The following RBM6 variants were observed in gnomAD, a reference collection of about 807,000 sequenced individuals.
RBM6 encodes RNA-binding protein 6.
In RBM6, 23 loss-of-function variants were observed where a neutral mutation model predicts 140.4. The observed-to-expected ratio is 0.16, with a 90% CI of 0.12 to 0.23. The LOEUF (loss-of-function observed/expected upper bound fraction) is 0.23, where lower values mean the gene tolerates loss of function less well. Ranked by LOEUF, RBM6 falls within the 10% of genes least tolerant of loss-of-function variation. The pLI, the probability that RBM6 is intolerant of heterozygous loss-of-function variation, is 1.00. For missense variants in RBM6, 1,139 were observed against 1,386.7 expected (o/e 0.82, Z 2.84); for synonymous variants, 439 against 475.6 (o/e 0.92, Z 1.00).
intron 5 of RBM6, among the ~76,000 whole-genome samples, chr3:49,999,239 A>C (rs1445407402): frequency 1.3e-5 from 2 of 152,098 alleles, no homozygotes; most frequent in Non-Finnish European, 2.9e-5. Flanking sequence ...TTTTGGAATG[A>C]ATCTCAAAGT....
Position 50,006,524 on chromosome 3 carries a change from C to T in RBM6, c.1557+7011C>T, listed in dbSNP as rs902381700. Among the ~76,000 whole-genome samples, 41 of 152,220 alleles carry T rather than the reference C, an allele frequency of 2.7e-4. 1 individual carries two copies. The highest frequency in any genetic ancestry group is 6.8e-3 in the Middle Eastern group (2 of 292). On this transcript the variant is annotated intron_variant, in intron 6 of 20. Coordinates refer to ENST00000266022, the MANE Select transcript of RBM6 (RefSeq NM_005777.3). ...AAGCAGACTACCGGGGGTTGCATTT[C>T]GGCTCCATCACTTTCTAAGGTGTAC...
rs2084591506 is a variant in RBM6, at chr3:49,968,127, C to G, written c.702C>G (p.Asp234Glu). Residue 234 changes from aspartate to glutamate, a missense_variant, in exon 3 of 21, where the codon GAC becomes GAG. Asp to Glu is a conservative substitution (Grantham distance 45, BLOSUM62 2). Around this residue, in one of 9 missense-constraint regions of RBM6, gnomAD observed 566 missense variants for 612.7 expected, o/e 0.92. Transcript: ENST00000266022. ...DFRDKDGTQVDFRGRGSGTTD... is the reference protein window; with the variant it reads ...DFRDKDGTQVEFRGRGSGTTD... ...GAGACAAAGACGGAACACAAGTAGA[C>G]TTTAGAGGCCGAGGTTCAGGTACTA... 8.7e-6 allele frequency: 14 copies of G among 1,614,114 alleles called. No individual in the cohort carries two copies. The highest frequency in any genetic ancestry group is 1.1e-5 in the Non-Finnish European group (13 of 1,180,030).
intron 6 of RBM6, among the ~76,000 whole-genome samples, chr3:50,026,095 C>CT (rs1211734030): frequency 2.7e-5 from 4 of 146,210 alleles, no homozygotes; most frequent in South Asian, 2.2e-4. Context: ...TTTTTTTTTT[C>CT]TTTTTTTTTG....
At chr3:50,054,508 C>A in intron 8 of RBM6, 113 bp downstream of exon 8, 1 of 722,196 alleles carries the variant, frequency 1.4e-6, no homozygotes, top group Non-Finnish European at 2.3e-6. Context: ...ATCTACAAAC[C>A]TTTTTTTTTT....
rs34463596 is a variant in RBM6 at position 49,944,474 on chromosome 3, C to CTTT, written c.-67+4265_-67+4267dup. Among the ~76,000 whole-genome samples the CTTT allele has an allele frequency of 7.0e-4, 93 of 132,286 alleles. 2 individuals are homozygous for CTTT. The highest frequency in any genetic ancestry group is 2.5e-3 in the African/African-American group (87 of 35,262). The allele number at this position is 132,286 out of a possible 152,430, so 86.8% of individuals were successfully genotyped here. A position where few individuals can be genotyped will look rare whatever the true frequency, so the allele number is the denominator to read the frequency against. ...GCTATGAATATCAGTGTACAAATAT[C>CTTT]TTTTTTTTTTTTTTTTTTGTGAGAC... On this transcript the variant is annotated intron_variant, in intron 1 of 20. Coordinates refer to ENST00000266022, the MANE Select transcript of RBM6 (RefSeq NM_005777.3).
chr3:50,024,502 G>A (rs1477453196), intron 6 of RBM6, among the ~76,000 whole-genome samples: 1 of 152,054 alleles, frequency 6.6e-6, no homozygotes, highest in Non-Finnish European at 1.5e-5. Flanking sequence ...TGAGCCTTAT[G>A]TAATTAGAAT....
chr3:50,065,267 T>C (rs1370970593), intron 16 of RBM6, 141 bp downstream of exon 16: 2 of 658,522 alleles, frequency 3.0e-6, no homozygotes, highest in African/African-American at 3.6e-5. Context: ...TTCCCATTTC[T>C]TTTGAGTACA....
chr3:50,061,414 G>T, intron 13 of RBM6, 48 bp from the exon 14 acceptor site: 1 of 1,585,546 alleles, frequency 6.3e-7, no homozygotes, highest in Non-Finnish European at 8.5e-7. Context: ...TCCAGTAAGG[G>T]CTTCATTGGA....
chr3:50,038,056 A>C (rs946716363), intron 6 of RBM6, among the ~76,000 whole-genome samples: 8 of 152,046 alleles, frequency 5.3e-5, no homozygotes. Context: ...TCCTGACCTC[A>C]GGTGATCCAC....
intron 20 of RBM6, among the ~76,000 whole-genome samples, chr3:50,075,610 C>A (rs1403639483): frequency 3.3e-5 from 5 of 152,116 alleles, no homozygotes; most frequent in African/African-American, 9.7e-5. Context: ...CAGTTTGAGA[C>A]TGAAGAATCA....
chr3:50,022,654 G>A (rs1252992741), intron 6 of RBM6, among the ~76,000 whole-genome samples: 1 of 151,964 alleles, frequency 6.6e-6, no homozygotes, highest in Admixed American at 6.6e-5. Context: ...TCTCCCTTAG[G>A]TTATTAGTAG....
chr3:50,065,145 C>G lies in RBM6; in HGVS notation c.2682+19C>G. On this transcript the variant is annotated intron_variant, in intron 16 of 20. Transcript: ENST00000266022. ...CCCTCCAGTAAGACCAACATTGATC[C>G]CCTGGACCTAGGGCTGGGGCTGGGG... 1 of 1,577,046 alleles carries G rather than the reference C, an allele frequency of 6.3e-7. No homozygotes were observed.
intron 6 of RBM6, among the ~76,000 whole-genome samples, chr3:50,022,899 G>C (rs11713562): frequency 0.52 from 79,292 of 151,698 alleles, 21,427 homozygotes; most frequent in East Asian, 0.86. Context: ...AGGAGTTCAA[G>C]ACCAGCCTGG....
At chr3:49,950,680 G>A (rs565332209) in intron 1 of RBM6, among the ~76,000 whole-genome samples, 1 of 151,860 alleles carries the variant, frequency 6.6e-6, no homozygotes, top group Non-Finnish European at 1.5e-5. Flanking sequence ...GCTTGAATCC[G>A]GGAGACGGAG....
intron 5 of RBM6, among the ~76,000 whole-genome samples, chr3:49,989,264 A>G (rs188099069): frequency 1.7e-3 from 254 of 152,312 alleles, no homozygotes; most frequent in Non-Finnish European, 2.1e-3. Context: ...AATATAGGTT[A>G]TATGCCAATC....
intron 6 of RBM6, among the ~76,000 whole-genome samples, chr3:50,023,530 C>T (rs550221605): frequency 7.2e-5 from 11 of 152,020 alleles, no homozygotes; most frequent in Non-Finnish European, 1.2e-4. Flanking sequence ...AAGTAGTGAC[C>T]GCAGTCCGTG....
At chr3:50,014,127 T>C (rs1019441527) in intron 6 of RBM6, among the ~76,000 whole-genome samples, 1 of 152,204 alleles carries the variant, frequency 6.6e-6, no homozygotes, top group South Asian at 2.1e-4. Context: ...GATTGTCTTA[T>C]AATAATCAGT....
chr3:49,954,764 T>C (rs2083896544), intron 1 of RBM6, among the ~76,000 whole-genome samples: 1 of 147,720 alleles, frequency 6.8e-6, no homozygotes, highest in African/African-American at 2.5e-5. Context: ...TTTGCACACT[T>C]TTTTTTTTTT....
intron 9 of RBM6, 66 bp from the exon 10 acceptor site, chr3:50,058,336 T>G: frequency 6.6e-7 from 1 of 1,506,758 alleles, no homozygotes; most frequent in Non-Finnish European, 9.2e-7. Context: ...AGTCAGATTC[T>G]TGGGACTTCA....
Sources: allele counts gnomAD v4.1 joint callset (sites outside exome capture counted in the v4.1 genomes callset), GRCh38; gene constraint gnomAD v4.1.1; regional missense constraint gnomAD v4.1.1; transcripts MANE v1.5; gene names NCBI Gene and HGNC (gene_info 2026-07-23, HGNC 2026-07-21).